GFRA2: variants seen among roughly 807,000 people sequenced by gnomAD.
GFRA2 encodes the protein GDNF family receptor alpha 2.
Under a neutral mutation model 48.3 loss-of-function variants are expected in GFRA2, and 17 were observed. The observed-to-expected ratio is 0.35, with a 90% CI of 0.24 to 0.53. The LOEUF is 0.53. Ranked by LOEUF, GFRA2 falls within the 20% of genes least tolerant of loss-of-function variation. The pLI, the probability that GFRA2 is intolerant of heterozygous loss-of-function variation, is 0.93. For missense variants in GFRA2, 660 were observed against 637.3 expected (o/e 1.04, Z -0.38); for synonymous variants, 305 against 257.2 (o/e 1.19, Z -1.78).
At chr8:21,710,913 C>A (rs1161648343) in intron 4 of GFRA2, among the ~76,000 whole-genome samples, 2 of 152,196 alleles carry the variant, frequency 1.3e-5, no homozygotes, top group Admixed American at 6.5e-5. Flanking sequence ...AAGCCCAAGG[C>A]TCCAGGAGGC....
chr8:21,694,092 T>TATATATATATATATA (rs1221616880), intron 8 of GFRA2, among the ~76,000 whole-genome samples: 45 of 138,472 alleles, frequency 3.2e-4, no homozygotes, highest in Non-Finnish European at 4.6e-4. Flanking sequence ...TATATATATA[T>TATATATATATATATA]TTCCTATAGT....
In GFRA2 at chr8:21,782,844, G is replaced by A. The variant is rs1005334188; in HGVS notation, c.96C>T (p.His32=). 36 of 1,569,768 alleles carry A rather than the reference G, an allele frequency of 2.3e-5. No individual in the cohort carries two copies. Among genetic ancestry groups the A allele is most frequent in the Non-Finnish European group, 2.8e-5 (33 of 1,164,722 alleles). Residue 32 remains histidine, a synonymous_variant, in exon 2 of 9, where the codon CAC becomes CAT. Coordinates refer to ENST00000524240, the MANE Select transcript of GFRA2 (RefSeq NM_001495.5). ...SPSSLQGPEL[H]GWRPPVDCVR... ...CACAGTCCACTGGGGGGCGCCAGCC[G>A]TGGAGCTCGGGGCCCTGCAGGGAGG...
intron 2 of GFRA2, among the ~76,000 whole-genome samples, chr8:21,804,506 A>C (rs578208055): frequency 1.3e-5 from 2 of 151,758 alleles, no homozygotes; most frequent in Admixed American, 6.6e-5. Context: ...GGAGGTCACA[A>C]CTCCTGGGTG....
At chr8:21,792,798 C>T (rs1807598766), upstream of GFRA2, among the ~76,000 whole-genome samples, 1 of 152,244 alleles carries the variant, frequency 6.6e-6, no homozygotes, top group African/African-American at 2.4e-5. Flanking sequence ...GGTGTGGTGG[C>T]TCATGCCTAT....
intron 4 of GFRA2, among the ~76,000 whole-genome samples, chr8:21,746,721 G>A (rs376475912): frequency 9.4e-4 from 143 of 151,528 alleles, no homozygotes; most frequent in African/African-American, 3.0e-3. Context: ...CTGTTTCAAC[G>A]CCGTTTCTGG....
intron 4 of GFRA2, among the ~76,000 whole-genome samples, chr8:21,733,549 G>C (rs1804302184): frequency 6.6e-6 from 1 of 152,170 alleles, no homozygotes; most frequent in Non-Finnish European, 1.5e-5. Context: ...GAAAGCCCCA[G>C]CCCTTCCCGC....
intron 3 of GFRA2, among the ~76,000 whole-genome samples, chr8:21,759,944 G>C (rs1240687789): frequency 6.6e-6 from 1 of 151,528 alleles, no homozygotes; most frequent in Admixed American, 6.6e-5. Flanking sequence ...TTTCCGAGGA[G>C]GTGACATCAA....
At chr8:21,741,200 C>A (rs1283270807) in intron 4 of GFRA2, among the ~76,000 whole-genome samples, 1 of 152,174 alleles carries the variant, frequency 6.6e-6, no homozygotes, top group African/African-American at 2.4e-5. Context: ...AGTGATCTGG[C>A]CCCTGCCTGC....
chr8:21,709,299 G>C (rs114120657), intron 4 of GFRA2, among the ~76,000 whole-genome samples: 2,265 of 152,284 alleles, frequency 0.015, 54 homozygotes, highest in African/African-American at 0.052. Flanking sequence ...CCATATTCTA[G>C]CTACACACAC....
At position 21,693,225 on chromosome 8, in the gene GFRA2, G is replaced by A. The variant is rs761979940; in HGVS notation, c.*53C>T. On this transcript the variant is annotated 3_prime_UTR_variant, in exon 9 of 9. Coordinates refer to ENST00000524240, the MANE Select transcript of GFRA2 (RefSeq NM_001495.5). The stretch of plus-strand genomic sequence containing the variant: ...TGTGTGTGTTTCCATTTCGTCAGGC[G>A]GCTGTTCTTGTCTGCGTAGCTTTCA... The A allele has an allele frequency of 1.4e-5, 22 of 1,550,684 alleles. No individual in the cohort carries two copies. Among genetic ancestry groups the A allele is most frequent in the African/African-American group, 6.9e-5 (5 of 72,640 alleles).
intron 7 of GFRA2, among the ~76,000 whole-genome samples, chr8:21,698,797 C>T (rs796176771): frequency 7.9e-5 from 12 of 152,000 alleles, no homozygotes; most frequent in Non-Finnish European, 1.3e-4. Context: ...AGTAGACCCC[C>T]ACTCAGCACA....
At chr8:21,773,482 T>C (rs1186091997) in intron 3 of GFRA2, among the ~76,000 whole-genome samples, 2 of 152,122 alleles carry the variant, frequency 1.3e-5, no homozygotes, top group Non-Finnish European at 2.9e-5. Flanking sequence ...TGTTTCAATC[T>C]CCTAGAGCGT....
intron 7 of GFRA2, 104 bp downstream of exon 7, chr8:21,702,701 T>G: frequency 8.3e-7 from 1 of 1,199,512 alleles, no homozygotes; most frequent in Non-Finnish European, 1.1e-6. Context: ...CTTGGGTCCC[T>G]GATCCAAAGG....
chr8:21,739,852 C>T (rs1259551610), intron 4 of GFRA2, among the ~76,000 whole-genome samples: 2 of 152,192 alleles, frequency 1.3e-5, no homozygotes, highest in Admixed American at 6.5e-5. Flanking sequence ...CTGGGCAGCC[C>T]GAGAGCTGGC....
chr8:21,804,237 C>T (rs979969693), intron 2 of GFRA2, among the ~76,000 whole-genome samples: 8 of 151,936 alleles, frequency 5.3e-5, no homozygotes, highest in Non-Finnish European at 1.2e-4. Context: ...CACATGCATA[C>T]ACACAATTTA....
At chr8:21,730,446 G>A (rs1332423491) in intron 4 of GFRA2, among the ~76,000 whole-genome samples, 1 of 151,968 alleles carries the variant, frequency 6.6e-6, no homozygotes, top group African/African-American at 2.4e-5. Context: ...CAGAAATGAA[G>A]GAGCTGCAGC....
At chr8:21,718,634 G>A (rs1326889389) in intron 4 of GFRA2, among the ~76,000 whole-genome samples, 4 of 152,068 alleles carry the variant, frequency 2.6e-5, no homozygotes, top group African/African-American at 9.7e-5. Context: ...CAAGCCAAAG[G>A]GCCATGTTCT....
rs74648579 is a variant in GFRA2 at position 21,794,772 on chromosome 8, C to T, written c.-35-6578G>A. On this transcript the variant is annotated intron_variant, in intron 2 of 10. Coordinates refer to the GFRA2 transcript ENST00000517328. Reference sequence around the variant, plus strand: ...CCTCGCCAACATCCCCTCCACACTCCAGATTCCAGAGTCCCAGCCTGGAAG... The same window carrying T: ...CCTCGCCAACATCCCCTCCACACTCTAGATTCCAGAGTCCCAGCCTGGAAG... Among the ~76,000 whole-genome samples the T allele has an allele frequency of 9.1e-3, 1,379 of 152,210 alleles. 19 individuals carry two copies. Among genetic ancestry groups the T allele is most frequent in the East Asian group, 0.057 (294 of 5,170 alleles).
chr8:21,767,178 C>A (rs1806208344), intron 3 of GFRA2, among the ~76,000 whole-genome samples: 1 of 149,424 alleles, frequency 6.7e-6, no homozygotes, highest in Non-Finnish European at 1.5e-5. Flanking sequence ...CCACCACAAA[C>A]ACCCACACAT....
Sources: gnomAD v4.1 joint callset for allele counts (sites outside exome capture counted in the v4.1 genomes callset) on GRCh38, gnomAD v4.1.1 for gene constraint, MANE v1.5 for transcripts, NCBI Gene and HGNC (gene_info 2026-07-23, HGNC 2026-07-21) for gene names.